Variants in ZNF341 observed in about 807,000 individuals in gnomAD.
ZNF341 encodes the protein zinc finger protein 341.
ZNF341 carries 52 observed loss-of-function variants against 87.7 expected under a neutral mutation model. That is an observed-to-expected ratio of 0.59 (90% confidence interval 0.47 to 0.75). ZNF341 has a LOEUF of 0.75. Ranked by LOEUF, ZNF341 falls within the 30% of genes least tolerant of loss-of-function variation. The pLI, the probability that ZNF341 is intolerant of heterozygous loss-of-function variation, is 0.00. For synonymous variants in ZNF341, 459 were observed against 472.7 expected, an observed-to-expected ratio of 0.97 and a Z score of 0.38; for missense variants, 977 against 1,145.9, an observed-to-expected ratio of 0.85 and a Z score of 2.13.
intron 11 of ZNF341, among the ~76,000 whole-genome samples, chr20:33,781,820 T>C (rs2019753139): frequency 6.6e-6 from 1 of 151,944 alleles, no homozygotes; most frequent in East Asian, 1.9e-4. Context: ...GCTGGGACTA[T>C]AGGCATGTGC....
intron 11 of ZNF341, 119 bp from the exon 12 acceptor site, chr20:33,783,613 G>C: frequency 6.9e-7 from 1 of 1,439,472 alleles, no homozygotes; most frequent in South Asian, 1.2e-5. Flanking sequence ...CCTGGCCCCT[G>C]ATAGCCAGAA....
Position 33,761,544 on chromosome 20 carries a change from G to A in ZNF341, c.1029-318G>A, listed in dbSNP as rs1051787813. On this transcript the variant is annotated intron_variant, in intron 7 of 14. Coordinates refer to ENST00000375200, the MANE Select transcript of ZNF341 (RefSeq NM_001282933.2). ...CTCCCAAAGTGCTGGGATTACTGGC[G>A]TGAACTACTGTGCCAGGCCAGAAGT... 9.2e-5 allele frequency among the ~76,000 whole-genome samples: 14 copies of A among 152,182 alleles called. 1 individual carries two copies. Among genetic ancestry groups the A allele is most frequent in the Admixed American group, 1.3e-4 (2 of 15,266 alleles).
chr20:33,778,361 G>GT (rs2019668792), intron 10 of ZNF341, among the ~76,000 whole-genome samples: 1 of 152,012 alleles, frequency 6.6e-6, no homozygotes, highest in African/African-American at 2.4e-5. Context: ...CCAGGCTGAA[G>GT]TGCAGTGGCA....
At chr20:33,755,371 A>G (rs1213171795) in intron 5 of ZNF341, among the ~76,000 whole-genome samples, 2 of 152,012 alleles carry the variant, frequency 1.3e-5, no homozygotes, top group Non-Finnish European at 2.9e-5. Context: ...ACTTTAGCCC[A>G]GGTTGGTCTC....
intron 10 of ZNF341, among the ~76,000 whole-genome samples, chr20:33,776,157 C>T (rs1041293303): frequency 6.6e-6 from 1 of 151,914 alleles, no homozygotes; most frequent in East Asian, 1.9e-4. Context: ...TGGCTCACTG[C>T]AGCCTTGACC....
chr20:33,761,944 A>G lies in ZNF341; in HGVS notation c.1111A>G (p.Thr371Ala). Reference protein sequence around the residue: ...QKSNVKKHMQTHKVWPPGHSG... With the variant: ...QKSNVKKHMQAHKVWPPGHSG... ...GTCTAATGTTAAGAAACACATGCAG[A>G]CCCACAAGGTGTGGCCTCCAGGACA... The change falls in exon 8 of 15, where the codon ACC becomes GCC. Residue 371 changes from threonine to alanine, a missense_variant. Around this residue, in one of 3 missense-constraint regions of ZNF341, gnomAD observed 515 missense variants for 598.2 expected, o/e 0.86. Coordinates refer to ENST00000375200, the MANE Select transcript of ZNF341 (RefSeq NM_001282933.2). 6.2e-7 allele frequency: 1 copy of G among 1,608,282 alleles called. No homozygotes were observed. The highest frequency in any genetic ancestry group is 1.1e-5 in the South Asian group (1 of 90,450).
intron 8 of ZNF341, among the ~76,000 whole-genome samples, chr20:33,763,208 T>C (rs1010896028): frequency 1.3e-5 from 2 of 152,228 alleles, no homozygotes; most frequent in Non-Finnish European, 2.9e-5. Flanking sequence ...AGAGGGTACA[T>C]GTGCTTGTTT....
intron 8 of ZNF341, among the ~76,000 whole-genome samples, chr20:33,765,179 A>G (rs1186983116): frequency 6.6e-6 from 1 of 152,010 alleles, no homozygotes; most frequent in Non-Finnish European, 1.5e-5. Flanking sequence ...ACTTTATTGG[A>G]TAGTGTAAGG....
At chr20:33,733,218 CTTT>C (rs1163203751) in intron 1 of ZNF341, among the ~76,000 whole-genome samples, 2 of 130,768 alleles carry the variant, frequency 1.5e-5, no homozygotes, top group African/African-American at 2.9e-5. Context: ...GGCTAATTTC[CTTT>C]TTTTTTTTTT....
rs368774701 is a variant in ZNF341, at chr20:33,737,781, T to C, written c.32-3121T>C. 9.5e-4 allele frequency among the ~76,000 whole-genome samples: 145 copies of C among 152,116 alleles called. 3 individuals carry two copies. In the South Asian group the frequency reaches 0.029, roughly 31 times the overall value. On this transcript the variant is annotated intron_variant, in intron 1 of 14. Coordinates refer to ENST00000375200, the MANE Select transcript of ZNF341 (RefSeq NM_001282933.2). ...TCATTGGCGAGTCTACGTGGAGCCA[T>C]TGGTTGTCAGAAATGCAAAAATCTG...
At chr20:33,745,381 G>A (rs1014270393) in intron 3 of ZNF341, 82 bp downstream of exon 3, 22 of 1,388,940 alleles carry the variant, frequency 1.6e-5, no homozygotes, top group East Asian at 2.5e-5. Context: ...TGGGGCTATA[G>A]CAATGGATAA....
At chr20:33,752,610 T>C (rs2019084210) in intron 4 of ZNF341, 1 of 283,484 alleles carries the variant, frequency 3.5e-6, no homozygotes, top group South Asian at 3.8e-5. Context: ...CTATATTAAC[T>C]CTTTTCTGCA....
chr20:33,747,180 T>C (rs2018944019), intron 3 of ZNF341, among the ~76,000 whole-genome samples: 1 of 152,150 alleles, frequency 6.6e-6, no homozygotes, highest in Non-Finnish European at 1.5e-5. Flanking sequence ...GGTCAGATTT[T>C]CAACTGGCTT....
At chr20:33,760,546 T>A (rs1283761265) in intron 7 of ZNF341, among the ~76,000 whole-genome samples, 3 of 151,714 alleles carry the variant, frequency 2.0e-5, no homozygotes, top group Non-Finnish European at 2.9e-5. Context: ...ATGAATTTAA[T>A]TTTTTTTTGT....
At position 33,749,056 on chromosome 20, in the gene ZNF341, GC is replaced by G; in HGVS notation, c.479del (p.Pro160HisfsTer7). 2 of 1,613,720 alleles carry G rather than the reference GC, an allele frequency of 1.2e-6. No homozygotes were observed. Among genetic ancestry groups the G allele is most frequent in the Non-Finnish European group, 1.7e-6 (2 of 1,179,754 alleles). On this transcript the variant is annotated frameshift_variant, in exon 4 of 15. Transcript: ENST00000375200. LOFTEE classifies it high-confidence loss of function. ...TCCCTGGACCAGCCCATGCCCCAGGGCCCCCCACCTGTGCAGGTAAGAAGGT... is the reference window on the plus strand; with the variant it reads ...TCCCTGGACCAGCCCATGCCCCAGGGCCCCCACCTGTGCAGGTAAGAAGGT... ...FTSLDQPMPQ[G>X]PPPVQSSLNM... is the part of the protein sequence containing the mutation.
intron 9 of ZNF341, among the ~76,000 whole-genome samples, chr20:33,768,055 A>G (rs1290925863): frequency 1.3e-5 from 2 of 152,076 alleles, no homozygotes; most frequent in Non-Finnish European, 2.9e-5. Context: ...CTCAAAGACT[A>G]CTGACTGTAT....
Position 33,748,980 on chromosome 20 carries a change from A to G in ZNF341, c.397A>G (p.Asn133Asp). 6.2e-7 allele frequency: 1 copy of G among 1,614,148 alleles called. No homozygotes were observed. The highest frequency in any genetic ancestry group is 8.5e-7 in the Non-Finnish European group (1 of 1,180,020). ...ACTGATCCAGACCCTGGTGCAGGGG[A>G]ACATCTTGGTGAGCGATGATGTGCT... ...SPLIQTLVQG[N>D]ILVSDDVLMS... Residue 133 changes from asparagine (N) to aspartate (D), a missense_variant, in exon 4 of 15, where the codon AAC becomes GAC. This residue lies in a region of ZNF341 where 515 missense variants were observed against 598.2 expected (regional missense o/e 0.86). Transcript: ENST00000375200.
intron 12 of ZNF341, among the ~76,000 whole-genome samples, chr20:33,785,463 G>A (rs376221959): frequency 3.4e-4 from 51 of 151,918 alleles, no homozygotes; most frequent in East Asian, 1.3e-3. Context: ...TCAGCCTCCC[G>A]AGTAGCTGGG....
Position 33,766,891 on chromosome 20 carries a change from C to G in ZNF341, c.1263C>G (p.Ala421=), listed in dbSNP as rs949295787. The G allele has an allele frequency of 6.2e-7, 1 of 1,613,830 alleles. No homozygotes were observed. Among genetic ancestry groups the G allele is most frequent in the African/African-American group, 1.3e-5 (1 of 74,940 alleles). ...TGCCGGGTGCGCCACAGCCCCAGGC[C>G]TTGTCCACAGCTGGTGAGGAAGAGG... ...QPLPGAPQPQ[A]LSTAGEEEGD... The change falls in exon 9 of 15, where the codon GCC becomes GCG. Residue 421 remains alanine (A), a synonymous_variant. Coordinates refer to ENST00000375200, the MANE Select transcript of ZNF341 (RefSeq NM_001282933.2).
Sources: allele counts gnomAD v4.1 joint callset (sites outside exome capture counted in the v4.1 genomes callset), GRCh38; gene constraint gnomAD v4.1.1; regional missense constraint gnomAD v4.1.1; transcripts MANE v1.5; gene names NCBI Gene and HGNC (gene_info 2026-07-23, HGNC 2026-07-21).